The following ST18 variants were observed in gnomAD, a reference collection of about 807,000 sequenced individuals.
ST18 encodes the protein suppression of tumorigenicity 18 protein.
Under a neutral mutation model 110.0 loss-of-function variants are expected in ST18, and 50 were observed. That is an observed-to-expected ratio of 0.45 (90% CI 0.36 to 0.58). The LOEUF (loss-of-function observed/expected upper bound fraction) is 0.58, where lower values mean the gene tolerates loss of function less well. ST18 is among the 20% of genes least tolerant of loss of function. ST18 has a pLI of 0.00. For synonymous variants in ST18, 461 were observed against 452.4 expected, an observed-to-expected ratio of 1.02 and a Z score of -0.24; for missense variants, 1,306 against 1,280.1, an observed-to-expected ratio of 1.02 and a Z score of -0.31.
At chr8:52,233,572 A>T (rs1209671390) in intron 2 of ST18, among the ~76,000 whole-genome samples, 1 of 152,194 alleles carries the variant, frequency 6.6e-6, no homozygotes, top group African/African-American at 2.4e-5. Context: ...TTCAAGAGTT[A>T]CAGTGATTCA....
rs144287882 is a variant in ST18 at position 52,123,080 on chromosome 8, T to G, written c.2755+2972A>C. Among the ~76,000 whole-genome samples the G allele has an allele frequency of 2.1e-3, 327 of 152,288 alleles. 1 individual carries two copies. The highest frequency in any genetic ancestry group is 7.3e-3 in the African/African-American group (302 of 41,564). ...TCTTTCTTATACAGATGGCCTAATTTTATTATCAAGGACTAGTAAAGGTCT... is the reference window on the plus strand; with the variant it reads ...TCTTTCTTATACAGATGGCCTAATTGTATTATCAAGGACTAGTAAAGGTCT... On this transcript the variant is annotated intron_variant, in intron 23 of 25. Coordinates refer to ENST00000689386, the MANE Select transcript of ST18 (RefSeq NM_001352837.2).
intron 2 of ST18, among the ~76,000 whole-genome samples, chr8:52,280,158 A>T (rs1459279603): frequency 6.6e-6 from 1 of 152,104 alleles, no homozygotes; most frequent in Non-Finnish European, 1.5e-5. Context: ...AATAACCGCT[A>T]AAAAAATGAA....
chr8:52,353,181 T>C (rs1357146884), intron 2 of ST18, among the ~76,000 whole-genome samples: 2 of 152,250 alleles, frequency 1.3e-5, no homozygotes, highest in Non-Finnish European at 2.9e-5. Context: ...TATGCTAATG[T>C]GGGAGAATTC....
chr8:52,258,158 C>T (rs2138578753), intron 2 of ST18, among the ~76,000 whole-genome samples: 1 of 152,240 alleles, frequency 6.6e-6, no homozygotes, highest in East Asian at 1.9e-4. Flanking sequence ...ATGCCAGTAC[C>T]ACACTGTCTT....
intron 2 of ST18, among the ~76,000 whole-genome samples, chr8:52,270,285 A>C (rs2095031466): frequency 6.6e-6 from 1 of 152,190 alleles, no homozygotes; most frequent in African/African-American, 2.4e-5. Flanking sequence ...TGACGTCAAC[A>C]CACTTAATTT....
intron 23 of ST18, 58 bp downstream of exon 23, chr8:52,125,994 T>C: frequency 7.1e-7 from 1 of 1,404,498 alleles, no homozygotes; most frequent in Non-Finnish European, 9.9e-7. Context: ...CGGAACGCTT[T>C]GGGGAGCCAG....
intron 2 of ST18, among the ~76,000 whole-genome samples, chr8:52,237,385 T>G (rs771312987): frequency 2.0e-5 from 3 of 152,244 alleles, no homozygotes; most frequent in Non-Finnish European, 4.4e-5. Flanking sequence ...CACTAGATAC[T>G]ATTATAAATG....
chr8:52,335,153 C>G (rs894974601), intron 2 of ST18, among the ~76,000 whole-genome samples: 1 of 152,142 alleles, frequency 6.6e-6, no homozygotes, highest in Admixed American at 6.5e-5. Flanking sequence ...CTTCAGACAT[C>G]TCTTGATTTT....
At chr8:52,188,392 T>A (rs1360409388) in intron 8 of ST18, among the ~76,000 whole-genome samples, 1 of 152,012 alleles carries the variant, frequency 6.6e-6, no homozygotes, top group Non-Finnish European at 1.5e-5. Flanking sequence ...AAACAGCAGG[T>A]GCAAGGGCCC....
rs146210764 is a variant in ST18, at chr8:52,384,076, A to G, written c.-465+25252T>C. On this transcript the variant is annotated intron_variant, in intron 2 of 25. Coordinates refer to ENST00000689386, the MANE Select transcript of ST18 (RefSeq NM_001352837.2). ...ATACCATACTCAGGATATGCTTCAT[A>G]CATTCCATCCTTGGCATACAGCAAG... 1.4e-4 allele frequency among the ~76,000 whole-genome samples: 22 copies of G among 152,356 alleles called. No individual in the cohort carries two copies. The East Asian group carries it at 2.5e-3, about 17-fold the overall frequency.
At chr8:52,247,915 T>C (rs926090534) in intron 2 of ST18, among the ~76,000 whole-genome samples, 2 of 152,214 alleles carry the variant, frequency 1.3e-5, no homozygotes, top group African/African-American at 4.8e-5. Context: ...ACAAAATTTA[T>C]TGCCTCCTAA....
chr8:52,263,616 T>C (rs1376529554), intron 2 of ST18, among the ~76,000 whole-genome samples: 23 of 151,598 alleles, frequency 1.5e-4, no homozygotes, highest in Admixed American at 1.5e-3. Flanking sequence ...TTTTGTTTTT[T>C]TTTTTTTTAG....
At chr8:52,395,180 G>A (rs1840682244) in intron 2 of ST18, among the ~76,000 whole-genome samples, 1 of 152,186 alleles carries the variant, frequency 6.6e-6, no homozygotes, top group Admixed American at 6.5e-5. Context: ...CTGTACAATG[G>A]CACTTCACTG....
chr8:52,147,485 A>G (rs935713883), intron 16 of ST18, among the ~76,000 whole-genome samples: 1 of 152,154 alleles, frequency 6.6e-6, no homozygotes, highest in East Asian at 1.9e-4. Context: ...ACCCTAGATG[A>G]AGATGAGAAC....
At chr8:52,349,503 T>A (rs1311282504) in intron 2 of ST18, among the ~76,000 whole-genome samples, 1 of 152,116 alleles carries the variant, frequency 6.6e-6, no homozygotes, top group East Asian at 1.9e-4. Flanking sequence ...TAAAAATAGG[T>A]CCTCACTCCA....
intron 2 of ST18, among the ~76,000 whole-genome samples, chr8:52,307,160 A>G (rs542113103): frequency 1.3e-5 from 2 of 152,282 alleles, no homozygotes; most frequent in South Asian, 4.1e-4. Context: ...CTCTAGAAAA[A>G]AAAAATCAAG....
intron 2 of ST18, chr8:52,405,759 T>G (rs1844259198): frequency 6.6e-6 from 1 of 152,128 alleles, no homozygotes; most frequent in African/African-American, 2.4e-5. Flanking sequence ...TTCTTAAAAA[T>G]CTGCCTACTT....
At chr8:52,275,783 G>A (rs1474160354) in intron 2 of ST18, among the ~76,000 whole-genome samples, 3 of 152,046 alleles carry the variant, frequency 2.0e-5, no homozygotes, top group Non-Finnish European at 4.4e-5. Flanking sequence ...TCATAGCACT[G>A]TGAGACAGTG....
intron 2 of ST18, among the ~76,000 whole-genome samples, chr8:52,333,207 A>G (rs751976407): frequency 2.1e-4 from 32 of 152,122 alleles, no homozygotes; most frequent in Admixed American, 1.5e-3. Context: ...TTCTTCAGCT[A>G]GGTTATCCTA....
Sources: allele counts gnomAD v4.1 joint callset (sites outside exome capture counted in the v4.1 genomes callset), GRCh38; gene constraint gnomAD v4.1.1; transcripts MANE v1.5; gene names NCBI Gene and HGNC (gene_info 2026-07-23, HGNC 2026-07-21).